The following TXLNB variants were observed in gnomAD, a reference collection of about 807,000 sequenced individuals.
The protein encoded by TXLNB is taxilin beta, also known as beta-taxilin.
In TXLNB, 37 loss-of-function variants were observed where a neutral mutation model predicts 57.4. That is an observed-to-expected ratio of 0.64 (90% CI 0.50 to 0.85). The LOEUF is 0.85. Ranked by LOEUF, TXLNB falls within the 40% of genes least tolerant of loss-of-function variation. TXLNB has a pLI of 0.00. For missense variants in TXLNB, 848 were observed against 825.6 expected, an observed-to-expected ratio of 1.03 and a Z score of -0.33; for synonymous variants, 302 against 309.6, an observed-to-expected ratio of 0.98 and a Z score of 0.26.
At chr6:139,278,201 T>C (rs1222265389) in intron 2 of TXLNB, among the ~76,000 whole-genome samples, 23 of 152,192 alleles carry the variant, frequency 1.5e-4, no homozygotes, top group Admixed American at 1.5e-3. Flanking sequence ...ACATGATTAG[T>C]GCTGGCAGAG....
chr6:139,319,006 G>C, the TXLNB span, among the ~76,000 whole-genome samples: 1 of 144,602 alleles, frequency 6.9e-6, no homozygotes. Context: ...GCAATGGCGC[G>C]ATCTCAGCTC....
intron 5 of TXLNB, among the ~76,000 whole-genome samples, chr6:139,260,670 A>T (rs541038052): frequency 7.5e-4 from 114 of 152,318 alleles, no homozygotes; most frequent in African/African-American, 2.6e-3. Context: ...GAGGCACCAG[A>T]GTTCAGCAGT....
the TXLNB span, chr6:139,166,021 C>T: frequency 2.8e-6 from 1 of 362,110 alleles, no homozygotes; most frequent in Non-Finnish European, 4.9e-6. Flanking sequence ...GTTCCAGCGG[C>T]TTTCTGGTAT....
chr6:139,218,760 AG>A, the TXLNB span, among the ~76,000 whole-genome samples: 1 of 152,254 alleles, frequency 6.6e-6, no homozygotes, highest in South Asian at 2.1e-4. Flanking sequence ...TAAAAAAAAA[AG>A]ATTCCATAAT....
the TXLNB span, chr6:139,170,308 C>G: frequency 8.5e-5 from 13 of 152,210 alleles, no homozygotes; most frequent in Non-Finnish European, 1.8e-4. Flanking sequence ...TGGGTACTAT[C>G]AGTTCTTGCT....
chr6:139,261,394 G>A (rs1023026715), intron 5 of TXLNB, among the ~76,000 whole-genome samples: 6 of 152,060 alleles, frequency 3.9e-5, no homozygotes, highest in Admixed American at 6.6e-5. Flanking sequence ...TAACCACCGC[G>A]ACCATATGCT....
chr6:139,293,410 G>A (rs1325768970), upstream of TXLNB, among the ~76,000 whole-genome samples: 1 of 152,016 alleles, frequency 6.6e-6, no homozygotes, highest in Non-Finnish European at 1.5e-5. Context: ...CTTTATAAAT[G>A]AGGGAGGAAG....
chr6:139,269,663 G>A (rs564291138), intron 4 of TXLNB, among the ~76,000 whole-genome samples: 5 of 152,098 alleles, frequency 3.3e-5, no homozygotes, highest in Admixed American at 6.5e-5. Context: ...CCTTTTAAAC[G>A]CTTATAATAA....
downstream of TXLNB, among the ~76,000 whole-genome samples, chr6:139,237,224 G>A (rs971705589): frequency 4.0e-5 from 6 of 151,858 alleles, no homozygotes; most frequent in Admixed American, 2.6e-4. Context: ...TATATTGGCC[G>A]GGTGCAGTGG....
chr6:139,272,508 C>G (rs1213525861), intron 3 of TXLNB, among the ~76,000 whole-genome samples: 3 of 152,102 alleles, frequency 2.0e-5, no homozygotes, highest in Admixed American at 6.6e-5. Context: ...TGTGCAATTT[C>G]TAGCTACTAG....
chr6:139,216,295 TA>T, the TXLNB span, among the ~76,000 whole-genome samples: 1 of 151,112 alleles, frequency 6.6e-6, no homozygotes, highest in Non-Finnish European at 1.5e-5. Flanking sequence ...TATGCAGCCA[TA>T]AAAAATGATG....
chr6:139,262,554 C>A, intron 5 of TXLNB, 25 bp downstream of exon 5: 1 of 1,601,254 alleles, frequency 6.2e-7, no homozygotes. Flanking sequence ...ATGTACTGTT[C>A]TAAGTTGTTT....
At chr6:139,317,461 G>T in the TXLNB span, among the ~76,000 whole-genome samples, 18 of 151,608 alleles carry the variant, frequency 1.2e-4, 1 homozygote, top group East Asian at 3.5e-3. Flanking sequence ...GTGCAGTGGC[G>T]CAATCTCGGC....
At chr6:139,265,580 G>T (rs1220374527) in intron 4 of TXLNB, among the ~76,000 whole-genome samples, 1 of 152,184 alleles carries the variant, frequency 6.6e-6, no homozygotes, top group Non-Finnish European at 1.5e-5. Flanking sequence ...CCAGCGCATG[G>T]ATTTTAGATT....
chr6:139,229,226 A>G, the TXLNB span, among the ~76,000 whole-genome samples: 1 of 152,226 alleles, frequency 6.6e-6, no homozygotes, highest in Non-Finnish European at 1.5e-5. Context: ...GTTTCTGAGT[A>G]TACCCATTTG....
At chr6:139,299,316 C>A in the TXLNB span, among the ~76,000 whole-genome samples, 2 of 152,170 alleles carry the variant, frequency 1.3e-5, no homozygotes, top group African/African-American at 4.8e-5. Context: ...CATTCTGCTT[C>A]CTTTGGCTCA....
intron 7 of TXLNB, among the ~76,000 whole-genome samples, chr6:139,248,931 G>T (rs1776129679): frequency 6.6e-6 from 1 of 152,236 alleles, no homozygotes; most frequent in Admixed American, 6.5e-5. Flanking sequence ...AGACATCAGA[G>T]TTTTGTATGT....
Position 139,242,337 on chromosome 6 carries a change from C to G in TXLNB, c.*189G>C. On this transcript the variant is annotated 3_prime_UTR_variant, in exon 10 of 10. Transcript: ENST00000358430. ...CAACCAGTGTTAAATAGAAAACCTT[C>G]AAATCAGCTATAAATTGACAACAAA... The G allele has an allele frequency of 2.2e-6, 1 of 451,274 alleles. No homozygotes were observed. Among genetic ancestry groups the G allele is most frequent in the Non-Finnish European group, 3.6e-6 (1 of 274,846 alleles). 28.0% of individuals were successfully genotyped at this position (451,274 alleles called of 1,614,324 possible). A position where few individuals can be genotyped will look rare whatever the true frequency, so the allele number is the denominator to read the frequency against.
chr6:139,184,847 TC>T, the TXLNB span, among the ~76,000 whole-genome samples: 11 of 152,312 alleles, frequency 7.2e-5, no homozygotes, highest in African/African-American at 1.4e-4. Context: ...TTATTGGAGT[TC>T]CATATAGTCT....
Sources: allele counts gnomAD v4.1 joint callset (sites outside exome capture counted in the v4.1 genomes callset), GRCh38; gene constraint gnomAD v4.1.1; transcripts MANE v1.5; gene names NCBI Gene and HGNC (gene_info 2026-07-23, HGNC 2026-07-21).